ELMOD1: variants seen among roughly 807,000 people sequenced by gnomAD.
ELMOD1 encodes ELMO domain-containing protein 1.
ELMOD1 carries 21 observed loss-of-function variants against 46.7 expected under a neutral mutation model. That is an observed-to-expected ratio of 0.45 (90% CI 0.32 to 0.65). The LOEUF (loss-of-function observed/expected upper bound fraction) is 0.65, where lower values mean the gene tolerates loss of function less well. ELMOD1 is among the 30% of genes least tolerant of loss of function. The pLI, the probability that ELMOD1 is intolerant of heterozygous loss-of-function variation, is 0.04. For synonymous variants in ELMOD1, 122 were observed against 138.2 expected, an observed-to-expected ratio of 0.88 and a Z score of 0.82; for missense variants, 348 against 407.8, an observed-to-expected ratio of 0.85 and a Z score of 1.26.
At chr11:107,605,212 T>C (rs1865665607) in intron 1 of ELMOD1, among the ~76,000 whole-genome samples, 2 of 148,634 alleles carry the variant, frequency 1.3e-5, no homozygotes, top group Non-Finnish European at 3.0e-5. Context: ...TTTTTTTTTC[T>C]TTTTGAGACA....
At chr11:107,615,229 CTT>C (rs34461488) in intron 1 of ELMOD1, among the ~76,000 whole-genome samples, 1,092 of 80,882 alleles carry the variant, frequency 0.014, 6 homozygotes, top group African/African-American at 0.053. Context: ...TTGTCAGCAT[CTT>C]TTTTTTTTTT....
In ELMOD1 at chr11:107,631,662, C is replaced by G. The variant is rs1352804662; in HGVS notation, c.275C>G (p.Pro92Arg). 3.3e-6 allele frequency: 5 copies of G among 1,536,102 alleles called. No homozygotes were observed. Among genetic ancestry groups the G allele is most frequent in the Non-Finnish European group, 4.4e-6 (5 of 1,133,798 alleles). The change falls in exon 5 of 12, where the codon CCT becomes CGT. Residue 92 changes from proline to arginine, a missense_variant. Transcript: ENST00000265840. ...ATCATGGAACTGAAAAAAATTAATC[C>G]TGACGTAAATCCACAGTAAGAATAT... Reference protein sequence around the residue: ...EDIMELKKINPDVNPQLGISL... With the variant: ...EDIMELKKINRDVNPQLGISL...
chr11:107,653,050 C>G (rs1217193002), intron 9 of ELMOD1, among the ~76,000 whole-genome samples: 4 of 152,130 alleles, frequency 2.6e-5, no homozygotes, highest in Admixed American at 1.3e-4. Context: ...TGCCCATTTT[C>G]TCTTCAGCAA....
intron 2 of ELMOD1, among the ~76,000 whole-genome samples, chr11:107,627,811 A>G (rs1866068535): frequency 6.6e-6 from 1 of 152,166 alleles, no homozygotes; most frequent in Non-Finnish European, 1.5e-5. Flanking sequence ...TTCTCTAGGA[A>G]GATTTAGTAC....
chr11:107,630,274 A>G (rs1051754478), intron 2 of ELMOD1, 143 bp from the exon 3 acceptor site: 3 of 647,862 alleles, frequency 4.6e-6, no homozygotes, highest in African/African-American at 3.7e-5. Flanking sequence ...ATAAAGTAGC[A>G]TGGGACTAGA....
intron 11 of ELMOD1, among the ~76,000 whole-genome samples, chr11:107,662,251 C>T (rs528777537): frequency 6.6e-6 from 1 of 152,314 alleles, no homozygotes; most frequent in South Asian, 2.1e-4. Flanking sequence ...TCAAGTGATC[C>T]TCCTGCCTCA....
intron 7 of ELMOD1, among the ~76,000 whole-genome samples, chr11:107,648,762 C>CA (rs1866476106): frequency 1.7e-4 from 1 of 5,916 alleles, no homozygotes; most frequent in South Asian, 0.012. Flanking sequence ...TTGTTAGTGT[C>CA]AATTTTTTTT....
At chr11:107,598,759 G>A (rs1865537254) in intron 1 of ELMOD1, among the ~76,000 whole-genome samples, 2 of 152,180 alleles carry the variant, frequency 1.3e-5, no homozygotes, top group South Asian at 2.1e-4. Context: ...TGGCAGTAGA[G>A]GTGTCTTTAC....
chr11:107,648,634 A>T (rs1866473434), intron 7 of ELMOD1, among the ~76,000 whole-genome samples: 1 of 152,172 alleles, frequency 6.6e-6, no homozygotes, highest in Admixed American at 6.5e-5. Flanking sequence ...ATTTTTAAAG[A>T]CTTGGTTTCC....
intron 4 of ELMOD1, 105 bp downstream of exon 4, chr11:107,630,833 A>T (rs1031119387): frequency 5.6e-6 from 6 of 1,064,820 alleles, no homozygotes; most frequent in African/African-American, 1.6e-5. Flanking sequence ...GGCTAGGAAA[A>T]CTACTGCCAA....
At chr11:107,663,295 T>C (rs1866775999) in intron 11 of ELMOD1, among the ~76,000 whole-genome samples, 1 of 152,076 alleles carries the variant, frequency 6.6e-6, no homozygotes, top group African/African-American at 2.4e-5. Flanking sequence ...TCATCAGAAA[T>C]GTTAAAAACA....
At chr11:107,641,211 G>C (rs1358349623) in intron 6 of ELMOD1, among the ~76,000 whole-genome samples, 2 of 152,000 alleles carry the variant, frequency 1.3e-5, no homozygotes, top group East Asian at 1.9e-4. Flanking sequence ...AGAATCACTT[G>C]AGCCTGGGAG....
intron 6 of ELMOD1, among the ~76,000 whole-genome samples, chr11:107,640,255 G>A (rs751749874): frequency 4.6e-5 from 7 of 152,154 alleles, no homozygotes; most frequent in Non-Finnish European, 8.8e-5. Context: ...TCCAAAATAA[G>A]TTTGACAATT....
chr11:107,629,265 G>T (rs1866096498), intron 2 of ELMOD1, among the ~76,000 whole-genome samples: 1 of 152,150 alleles, frequency 6.6e-6, no homozygotes, highest in Non-Finnish European at 1.5e-5. Flanking sequence ...GGATCACATT[G>T]TAGAGGCTAC....
chr11:107,654,217 A>G lies in ELMOD1; in HGVS notation c.693A>G (p.Ala231=). The G allele has an allele frequency of 6.3e-7, 1 of 1,591,310 alleles. No homozygotes were observed. The highest frequency in any genetic ancestry group is 8.6e-7 in the Non-Finnish European group (1 of 1,168,022). Residue 231 remains alanine (A), a synonymous_variant, in exon 10 of 12, where the codon GCA becomes GCG. Transcript: ENST00000265840. ...AEWEKKRMDK[A]IGYSFAIVGI... ...GGGAGAAGAAAAGGATGGATAAGGC[A>G]ATTGGGTGAGTATGGGATCTCACAT...
chr11:107,649,308 T>C (rs1362080442), intron 7 of ELMOD1, among the ~76,000 whole-genome samples: 1 of 152,130 alleles, frequency 6.6e-6, no homozygotes, highest in Non-Finnish European at 1.5e-5. Flanking sequence ...AGGAGAGATC[T>C]CTTAAAGACA....
At chr11:107,631,420 G>A (rs1372947195) in intron 4 of ELMOD1, among the ~76,000 whole-genome samples, 160 bp from the exon 5 acceptor site, 2 of 136,600 alleles carry the variant, frequency 1.5e-5, no homozygotes, top group Non-Finnish European at 3.1e-5. Flanking sequence ...TCGTGAAAAT[G>A]TCAAATTTAT....
intron 6 of ELMOD1, among the ~76,000 whole-genome samples, chr11:107,640,208 C>T (rs1866298228): frequency 6.6e-6 from 1 of 152,066 alleles, no homozygotes; most frequent in Admixed American, 6.6e-5. Flanking sequence ...GATAATTGTA[C>T]TTCATATAAG....
At chr11:107,647,003 A>G (rs1368085306) in intron 6 of ELMOD1, among the ~76,000 whole-genome samples, 1 of 150,030 alleles carries the variant, frequency 6.7e-6, no homozygotes, top group Non-Finnish European at 1.5e-5. Context: ...TCTACCTACC[A>G]TCTAATTTCC....
Sources: allele counts gnomAD v4.1 joint callset (sites outside exome capture counted in the v4.1 genomes callset), GRCh38; gene constraint gnomAD v4.1.1; transcripts MANE v1.5; gene names NCBI Gene and HGNC (gene_info 2026-07-23, HGNC 2026-07-21).